GCG: variants seen among roughly 807,000 people sequenced by gnomAD.
GCG encodes the protein glucagon.
A neutral mutation model predicts 22.8 loss-of-function variants in GCG; 11 were observed. The observed-to-expected ratio is 0.48, with a 90% CI of 0.30 to 0.80. The LOEUF (loss-of-function observed/expected upper bound fraction) is 0.80. GCG is among the 30% of genes least tolerant of loss of function. The probability of loss-of-function intolerance (pLI) is 0.06; values close to 1 mark genes in which losing one functional copy is unlikely to be tolerated. For missense variants in GCG, 222 were observed against 222.0 expected (o/e 1.00, Z 0.00); for synonymous variants, 89 against 72.4 (o/e 1.23, Z -1.16).
At chr2:162,143,971 A>G in intron 5 of GCG, 56 bp downstream of exon 5, 2 of 1,471,478 alleles carry the variant, frequency 1.4e-6, no homozygotes, top group Non-Finnish European at 1.9e-6. Context: ...CAGCAGTATG[A>G]CAATCAGTAC....
At position 162,147,451 on chromosome 2, in the gene GCG, GC is replaced by G; in HGVS notation, c.155del (p.Arg52ProfsTer27). The G allele has an allele frequency of 1.2e-6, 2 of 1,613,198 alleles. No homozygotes were observed. The highest frequency in any genetic ancestry group is 1.7e-6 in the Non-Finnish European group (2 of 1,179,330). ...CACTGGTGAATGTGCCCTGTGAATGGCGCTTGTCCTCGTTCATCTGATCAGG... is the reference window on the plus strand; with the variant it reads ...CACTGGTGAATGTGCCCTGTGAATGGGCTTGTCCTCGTTCATCTGATCAGG... Reference protein sequence around the residue: ...SDPDQMNEDKRHSQGTFTSDY... With the variant: ...SDPDQMNEDKXHSQGTFTSDY... On this transcript the variant is annotated frameshift_variant, in exon 3 of 6. Transcript: ENST00000418842. LOFTEE classifies it high-confidence loss of function.
At chr2:162,149,222 G>C in intron 1 of GCG, 35 bp from the exon 2 acceptor site, 1 of 1,167,118 alleles carries the variant, frequency 8.6e-7, no homozygotes, top group East Asian at 2.4e-5. Flanking sequence ...GGGTGAGGGG[G>C]GCAGGCAAGG....
At position 162,145,725 on chromosome 2, in the gene GCG, A is replaced by G. The variant is rs1686667249; in HGVS notation, c.255-48T>C. On this transcript the variant is annotated intron_variant, in intron 3 of 5. Coordinates refer to ENST00000418842, the MANE Select transcript of GCG (RefSeq NM_002054.5). ...ATTGAAGATCTGTCTCTTTGGCAAT[A>G]TGGTTCTCACCTATAAGCAGTGGCA... The G allele has an allele frequency of 1.9e-6, 3 of 1,571,792 alleles. No homozygotes were observed. The South Asian group carries it at 3.5e-5, about 18-fold the overall frequency.
At chr2:162,144,210 T>C in intron 4 of GCG, 40 bp from the exon 5 acceptor site, 1 of 1,492,996 alleles carries the variant, frequency 6.7e-7, no homozygotes, top group Non-Finnish European at 9.3e-7. Flanking sequence ...TGATTAGATA[T>C]TTTCAATAAA....
intron 4 of GCG, chr2:162,144,627 C>T (rs1336508403): frequency 1.3e-5 from 2 of 153,060 alleles, no homozygotes; most frequent in African/African-American, 2.4e-5. Context: ...CCCTTTAAAA[C>T]ACTGCAAAAT....
In GCG at chr2:162,143,082, A is replaced by G. The variant is rs1686558138; in HGVS notation, c.*282T>C. 1 of 291,868 alleles carries G rather than the reference A, an allele frequency of 3.4e-6. No homozygotes were observed. Among genetic ancestry groups the G allele is most frequent in the Admixed American group, 5.1e-5 (1 of 19,648 alleles). 18.1% of individuals were successfully genotyped at this position (291,868 alleles called of 1,614,324 possible). On this transcript the variant is annotated 3_prime_UTR_variant, in exon 6 of 6. Transcript: ENST00000418842. ...AATTATATCATAGAAAAATAATTTT[A>G]TCGCTAAATGTAAACAGGTTGGGGT...
rs1415069372 is a variant in GCG, at chr2:162,149,948, C to T, written c.-9-761G>A. On this transcript the variant is annotated intron_variant, in intron 1 of 5. Coordinates refer to ENST00000418842, the MANE Select transcript of GCG (RefSeq NM_002054.5). ...GCTTGCTTCTAAAGTCATAAAAGTCCCCAGGTTGTTTTCTAATTGGACTTA... is the reference window on the plus strand; with the variant it reads ...GCTTGCTTCTAAAGTCATAAAAGTCTCCAGGTTGTTTTCTAATTGGACTTA... 3.3e-5 allele frequency among the ~76,000 whole-genome samples: 5 copies of T among 151,922 alleles called. No individual in the cohort carries two copies. The South Asian group carries it at 6.2e-4, about 19-fold the overall frequency.
Position 162,145,629 on chromosome 2 carries a change from C to G in GCG, c.303G>C (p.Gly101=). ...RHDEFERHAE[G]TFTSDVSSYL... ...AAGAACTTACATCACTGGTAAAGGT[C>G]CCTTCAGCATGTCTCTCAAATTCAT... Residue 101 remains glycine, a synonymous_variant, in exon 4 of 6, where the codon GGG becomes GGC. Coordinates refer to ENST00000418842, the MANE Select transcript of GCG (RefSeq NM_002054.5). 6.2e-7 allele frequency: 1 copy of G among 1,610,586 alleles called. No individual in the cohort carries two copies. Among genetic ancestry groups the G allele is most frequent in the African/African-American group, 1.3e-5 (1 of 74,920 alleles).
chr2:162,149,651 T>A (rs777438528), intron 1 of GCG, among the ~76,000 whole-genome samples: 1 of 152,132 alleles, frequency 6.6e-6, no homozygotes, highest in Non-Finnish European at 1.5e-5. Flanking sequence ...ATTTCAACCA[T>A]CTTAAAGCAG....
chr2:162,151,318 T>A lies in GCG; in HGVS notation c.-10+840A>T, dbSNP rs538029714. ...CATTGTAGTCCATATAAATCCTTTT[T>A]CAAACTGGTTAGCTCATTTTATGTA... On this transcript the variant is annotated intron_variant, in intron 1 of 5. Coordinates refer to ENST00000418842, the MANE Select transcript of GCG (RefSeq NM_002054.5). 5.9e-5 allele frequency among the ~76,000 whole-genome samples: 9 copies of A among 152,258 alleles called. No homozygotes were observed. In the South Asian group the frequency reaches 1.9e-3, roughly 32 times the overall value.
chr2:162,146,078 G>A (rs1686676154), intron 3 of GCG, among the ~76,000 whole-genome samples: 1 of 152,158 alleles, frequency 6.6e-6, no homozygotes, highest in African/African-American at 2.4e-5. Flanking sequence ...ATTGATTTGA[G>A]GGAAAGCAAA....
chr2:162,146,385 A>C (rs1686684367), intron 3 of GCG, among the ~76,000 whole-genome samples: 1 of 151,998 alleles, frequency 6.6e-6, no homozygotes, highest in Admixed American at 6.6e-5. Flanking sequence ...CATTTTTATA[A>C]ATTTGTGATT....
chr2:162,147,377 C>G lies in GCG; in HGVS notation c.230G>C (p.Trp77Ser). Reference protein sequence around the residue: ...DSRRAQDFVQWLMNTKRNRNN... With the variant: ...DSRRAQDFVQSLMNTKRNRNN... ...CCTGTTCCTCTTGGTATTCATCAAC[C>G]ACTGCACAAAATCTTGGGCACGCCT... Residue 77 changes from tryptophan (W) to serine (S), a missense_variant, in exon 3 of 6, where the codon TGG becomes TCG. Trp to Ser is a radical substitution (Grantham distance 177). Coordinates refer to ENST00000418842, the MANE Select transcript of GCG (RefSeq NM_002054.5). 1.2e-6 allele frequency: 2 copies of G among 1,613,110 alleles called. No individual in the cohort carries two copies. The highest frequency in any genetic ancestry group is 1.1e-5 in the South Asian group (1 of 91,060).
At chr2:162,146,152 G>T (rs1686677394) in intron 3 of GCG, among the ~76,000 whole-genome samples, 1 of 152,196 alleles carries the variant, frequency 6.6e-6, no homozygotes, top group South Asian at 2.1e-4. Flanking sequence ...TGTGTGATCT[G>T]CTAGTAACAA....
chr2:162,148,486 T>C (rs1417625853), intron 2 of GCG, among the ~76,000 whole-genome samples: 2 of 152,012 alleles, frequency 1.3e-5, no homozygotes, highest in Non-Finnish European at 2.9e-5. Context: ...TAACAAATAT[T>C]TTTAATAATA....
rs1686720413 is a variant in GCG, at chr2:162,147,523, A to G, written c.93-9T>C. ...GGGAAGCTGAGAATGATCTGTGAAG[A>G]ACAGTGATTGGTACAACATAAATCT... On this transcript the variant is annotated splice_polypyrimidine_tract_variant and intron_variant, in intron 2 of 5. Transcript: ENST00000418842. The G allele has an allele frequency of 1.2e-6, 2 of 1,612,256 alleles. No individual in the cohort carries two copies. The highest frequency in any genetic ancestry group is 1.1e-5 in the South Asian group (1 of 91,058).
intron 5 of GCG, 121 bp from the exon 6 acceptor site, chr2:162,143,491 T>C (rs1163012866): frequency 2.0e-6 from 1 of 488,370 alleles, no homozygotes; most frequent in Non-Finnish European, 3.7e-6. Context: ...CCTTTGTCCA[T>C]AAATCCCTCC....
intron 2 of GCG, among the ~76,000 whole-genome samples, chr2:162,147,917 A>G (rs1030770763): frequency 3.9e-5 from 6 of 152,126 alleles, no homozygotes; most frequent in Non-Finnish European, 5.9e-5. Flanking sequence ...TTTTGCATAT[A>G]TTAATATGAA....
intron 1 of GCG, among the ~76,000 whole-genome samples, chr2:162,149,980 G>C (rs879665138): frequency 6.6e-6 from 1 of 152,130 alleles, no homozygotes; most frequent in Non-Finnish European, 1.5e-5. Context: ...CTTAGATGAG[G>C]ACATGTCATT....
Sources: allele counts gnomAD v4.1 joint callset (sites outside exome capture counted in the v4.1 genomes callset), GRCh38; gene constraint gnomAD v4.1.1; transcripts MANE v1.5; gene names NCBI Gene and HGNC (gene_info 2026-07-23, HGNC 2026-07-21).